DNAAF10: variants seen among roughly 807,000 people sequenced by gnomAD.
DNAAF10 encodes the protein dynein axonemal assembly factor 10.
In DNAAF10, 28 loss-of-function variants were observed where a neutral mutation model predicts 43.7. That is an observed-to-expected ratio of 0.64 (90% CI 0.48 to 0.88). The LOEUF is 0.88. DNAAF10 is among the 40% of genes least tolerant of loss of function. DNAAF10 has a pLI of 0.00. For missense variants in DNAAF10, 403 were observed against 439.1 expected (o/e 0.92, Z 0.73); for synonymous variants, 156 against 157.3 (o/e 0.99, Z 0.06).
intron 1 of DNAAF10, among the ~76,000 whole-genome samples, chr2:68,153,281 T>C (rs1408004562): frequency 6.6e-6 from 1 of 150,874 alleles, no homozygotes; most frequent in East Asian, 1.9e-4. Flanking sequence ...TATGCTGATA[T>C]GCTTCCTTTA....
chr2:68,141,372 A>T lies in DNAAF10; in HGVS notation c.517+322T>A, dbSNP rs116151009. On this transcript the variant is annotated intron_variant, in intron 4 of 7. Coordinates refer to ENST00000295121, the MANE Select transcript of DNAAF10 (RefSeq NM_138458.4). ...ACACATAATAATAAGCACAATTCTCAGCACTTTACATGTAATTAACTCATT... is the reference window on the plus strand; with the variant it reads ...ACACATAATAATAAGCACAATTCTCTGCACTTTACATGTAATTAACTCATT... 7.0e-3 allele frequency among the ~76,000 whole-genome samples: 1,060 copies of T among 152,338 alleles called. 10 individuals carry two copies. The highest frequency in any genetic ancestry group is 0.011 in the Non-Finnish European group (766 of 68,030).
rs141022679 is a variant in DNAAF10, at chr2:68,138,285, T to A, written c.633+457A>T. 5.7e-3 allele frequency among the ~76,000 whole-genome samples: 865 copies of A among 152,316 alleles called. 5 individuals are homozygous for A. The highest frequency in any genetic ancestry group is 0.01 in the Non-Finnish European group (688 of 68,016). ...TCAGTGAATGCCTTTGGGGAATCAT[T>A]ATTTAACTTTTTACATTATTTAACA... is the stretch of plus-strand genomic sequence containing the variant. On this transcript the variant is annotated intron_variant, in intron 5 of 7. Transcript: ENST00000295121.
chr2:68,148,618 C>T (rs1170184772), intron 1 of DNAAF10, among the ~76,000 whole-genome samples: 2 of 152,084 alleles, frequency 1.3e-5, no homozygotes, highest in Admixed American at 6.5e-5. Context: ...CCTTGGCTCC[C>T]GAGATCTCCG....
At position 68,137,373 on chromosome 2, in the gene DNAAF10, G is replaced by C; in HGVS notation, c.694C>G (p.Leu232Val). 1 of 1,613,782 alleles carries C rather than the reference G, an allele frequency of 6.2e-7. No homozygotes were observed. The highest frequency in any genetic ancestry group is 8.5e-7 in the Non-Finnish European group (1 of 1,179,864). The change falls in exon 6 of 8, where the codon CTG becomes GTG. Residue 232 changes from leucine to valine, a missense_variant. Leu to Val is a conservative substitution (Grantham distance 32). Transcript: ENST00000295121. ...TCAAAAACATGGAACTTTCCTTCCA[G>C]AGATGTGGCTACTAACTTATTCATA... ...ISMNKLVATS[L>V]EGKFHVFDMR...
intron 7 of DNAAF10, chr2:68,134,349 G>A: frequency 9.4e-7 from 1 of 1,068,156 alleles, no homozygotes; most frequent in Non-Finnish European, 1.1e-6. Context: ...TCACAATGAT[G>A]TTATCTAAAT....
At chr2:68,137,233 T>C in intron 6 of DNAAF10, 66 bp downstream of exon 6, 1 of 1,483,838 alleles carries the variant, frequency 6.7e-7, no homozygotes, top group Non-Finnish European at 9.0e-7. Context: ...TGGTGACTAA[T>C]TCTACTTATC....
At position 68,147,239 on chromosome 2, in the gene DNAAF10, T is replaced by C. The variant is rs13385204; in HGVS notation, c.284+228A>G. ...CAAACTGCGTGTGTGAAAATAAGCA[T>C]TGATAATATTATCCAAAATATCTAA... On this transcript the variant is annotated intron_variant, in intron 2 of 7. Transcript: ENST00000295121. Among the ~76,000 whole-genome samples, 530 of 152,284 alleles carry C rather than the reference T, an allele frequency of 3.5e-3. 3 individuals carry two copies. Among genetic ancestry groups the C allele is most frequent in the African/African-American group, 0.012 (512 of 41,566 alleles).
In DNAAF10 at chr2:68,147,564, CAA is replaced by C; in HGVS notation, c.185_186del (p.Ile62ArgfsTer7). The part of the protein sequence containing the change: ...QHGDLKLLRE[I>X]EKAKPIKCGT... ...CCACATTTAATAGGTTTGGCCTTTTCAATCTTCATAGAAGGGAGGAAGAGAGG... is the reference window on the plus strand; with the variant it reads ...CCACATTTAATAGGTTTGGCCTTTTCTCTTCATAGAAGGGAGGAAGAGAGG... On this transcript the variant is annotated frameshift_variant and splice_region_variant, in exon 2 of 8. Transcript: ENST00000295121. LOFTEE classifies it high-confidence loss of function. The C allele has an allele frequency of 6.2e-7, 1 of 1,607,430 alleles. No individual in the cohort carries two copies. Among genetic ancestry groups the C allele is most frequent in the Non-Finnish European group, 8.5e-7 (1 of 1,176,794 alleles).
At chr2:68,156,696 A>T (rs764104769) in intron 1 of DNAAF10, among the ~76,000 whole-genome samples, 1 of 152,250 alleles carries the variant, frequency 6.6e-6, no homozygotes, top group Non-Finnish European at 1.5e-5. Context: ...CTGCATGTGC[A>T]GAAGCCCTGG....
chr2:68,150,904 C>A (rs958278081), intron 1 of DNAAF10, among the ~76,000 whole-genome samples: 2 of 152,176 alleles, frequency 1.3e-5, no homozygotes, highest in Non-Finnish European at 2.9e-5. Flanking sequence ...AGAGATAGAA[C>A]TGACTACTCC....
chr2:68,130,107 G>GATATATATATATATAT lies in DNAAF10; in HGVS notation c.*1130_*1131insATATATATATATATAT, dbSNP rs70949671. The stretch of plus-strand genomic sequence containing the variant: ...ATCTAGACCAACCGTGCCGTTTTGA[G>GATATATATATATATAT]AGAGAGAGATATATATATATATATT... On this transcript the variant is annotated 3_prime_UTR_variant, in exon 8 of 8. Coordinates refer to ENST00000295121, the MANE Select transcript of DNAAF10 (RefSeq NM_138458.4). The GATATATATATATATAT allele has an allele frequency of 9.2e-4, 111 of 120,344 alleles. 2 individuals carry two copies. Among genetic ancestry groups the GATATATATATATATAT allele is most frequent in the Middle Eastern group, 4.2e-3 (1 of 240 alleles). 7.5% of individuals were successfully genotyped at this position (120,344 alleles called of 1,614,324 possible). A position where few individuals can be genotyped will look rare whatever the true frequency, so the allele number is the denominator to read the frequency against.
At position 68,131,050 on chromosome 2, in the gene DNAAF10, G is replaced by C; in HGVS notation, c.*188C>G. On this transcript the variant is annotated 3_prime_UTR_variant, in exon 8 of 8. Coordinates refer to ENST00000295121, the MANE Select transcript of DNAAF10 (RefSeq NM_138458.4). ...CCTGCCTCAGCCTCCCAAGTAGCTA[G>C]GACTACAGATGCCCGCCATGACACC... 2.1e-6 allele frequency: 1 copy of C among 478,122 alleles called. No individual in the cohort carries two copies. Among genetic ancestry groups the C allele is most frequent in the Non-Finnish European group, 3.7e-6 (1 of 266,876 alleles). The allele number at this position is 478,122 out of a possible 1,614,324, so 29.6% of individuals were successfully genotyped here.
At position 68,138,792 on chromosome 2, in the gene DNAAF10, A is replaced by C. The variant is rs1176884502; in HGVS notation, c.583T>G (p.Phe195Val). Reference sequence around the variant, plus strand: ...CGTAATGCCATATTTCTGAGATCAAATAGTTTGATATCCCCATTGTCATAG... The same window carrying C: ...CGTAATGCCATATTTCTGAGATCAACTAGTTTGATATCCCCATTGTCATAG... ...AGYDNGDIKL[F>V]DLRNMALRWE... is the part of the protein sequence containing the mutation. Residue 195 changes from phenylalanine (F) to valine (V), a missense_variant, in exon 5 of 8, where the codon TTT becomes GTT. Physicochemically the swap from Phe to Val is conservative, Grantham distance 50. Transcript: ENST00000295121. 1.9e-6 allele frequency: 3 copies of C among 1,614,176 alleles called. No homozygotes were observed. The Admixed American group carries it at 5.0e-5, about 27-fold the overall frequency.
chr2:68,157,053 C>T, intron 1 of DNAAF10: 1 of 703,078 alleles, frequency 1.4e-6, no homozygotes, highest in Non-Finnish European at 2.3e-6. Context: ...GGTGGCAGGA[C>T]GGTTGGGCGC....
chr2:68,157,134 T>A, intron 1 of DNAAF10, 127 bp downstream of exon 1: 2 of 1,304,198 alleles, frequency 1.5e-6, no homozygotes, highest in Non-Finnish European at 2.1e-6. Flanking sequence ...GGTCAGCTTC[T>A]CTGGTCTCGC....
chr2:68,150,718 G>A lies in DNAAF10; in HGVS notation c.184-3151C>T, dbSNP rs376010791. Among the ~76,000 whole-genome samples, 4 of 152,016 alleles carry A rather than the reference G, an allele frequency of 2.6e-5. No homozygotes were observed. The East Asian group carries it at 7.7e-4, about 29-fold the overall frequency. ...ACCGCACTCCAGCCTGGGCGACAGAGAGAGACTCCGTCTCAAAAAATAAAA... is the reference window on the plus strand; with the variant it reads ...ACCGCACTCCAGCCTGGGCGACAGAAAGAGACTCCGTCTCAAAAAATAAAA... On this transcript the variant is annotated intron_variant, in intron 1 of 7. Transcript: ENST00000295121.
chr2:68,137,464 T>C, intron 5 of DNAAF10, 31 bp from the exon 6 acceptor site: 1 of 1,594,456 alleles, frequency 6.3e-7, no homozygotes, highest in South Asian at 1.1e-5. Context: ...TTATTGGTAG[T>C]CTCACCAGTA....
intron 1 of DNAAF10, among the ~76,000 whole-genome samples, chr2:68,150,659 G>A (rs947174031): frequency 6.6e-6 from 1 of 152,158 alleles, no homozygotes; most frequent in East Asian, 1.9e-4. Context: ...CTTGAACCCA[G>A]AGGGCGGAGG....
rs772871130 is a variant in DNAAF10 at position 68,131,390 on chromosome 2, C to T, written c.922G>A (p.Ala308Thr). Reference sequence around the variant, plus strand: ...TTCTGCAGAAGGCTTACAGAACCTGCGACTCCCATTTCTATTCCCTCAGAA... The same window carrying T: ...TTCTGCAGAAGGCTTACAGAACCTGTGACTCCCATTTCTATTCCCTCAGAA... Reference protein sequence around the residue: ...KDSEGIEMGVAGSVSLLQNVT... With the variant: ...KDSEGIEMGVTGSVSLLQNVT... The change falls in exon 8 of 8, where the codon GCA becomes ACA. Residue 308 changes from alanine (A) to threonine (T), a missense_variant. Coordinates refer to ENST00000295121, the MANE Select transcript of DNAAF10 (RefSeq NM_138458.4). 5.0e-6 allele frequency: 8 copies of T among 1,614,170 alleles called. No homozygotes were observed. Among genetic ancestry groups the T allele is most frequent in the East Asian group, 4.5e-5 (2 of 44,886 alleles).
Sources: allele counts gnomAD v4.1 joint callset (sites outside exome capture counted in the v4.1 genomes callset), GRCh38; gene constraint gnomAD v4.1.1; transcripts MANE v1.5; gene names NCBI Gene and HGNC (gene_info 2026-07-23, HGNC 2026-07-21).